COG1: variants seen among roughly 807,000 people sequenced by gnomAD.
COG1 encodes conserved oligomeric Golgi complex subunit 1.
A neutral mutation model predicts 102.2 loss-of-function variants in COG1; 61 were observed. That is an observed-to-expected ratio of 0.60 (90% CI 0.49 to 0.74). The LOEUF is 0.74. COG1 is among the 30% of genes least tolerant of loss of function. COG1 has a pLI of 0.00. For synonymous variants in COG1, 454 were observed against 493.6 expected (o/e 0.92, Z 1.06); for missense variants, 1,164 against 1,232.1 (o/e 0.94, Z 0.83).
In COG1 at chr17:73,201,525, G is replaced by A. The variant is rs1159513966; in HGVS notation, c.1698G>A (p.Val566=). The part of the protein sequence containing the change: ...AFDRYADAGT[V]QEMLRTQSVA... ...ACAGATACGCAGATGCGGGGACCGT[G>A]CAGGAGATGCTGCGGACTCAGTCCG... Residue 566 remains valine, a synonymous_variant, in exon 7 of 14, where the codon GTG becomes GTA. Transcript: ENST00000299886. 2 of 1,614,268 alleles carry A rather than the reference G, an allele frequency of 1.2e-6. No homozygotes were observed. Among genetic ancestry groups the A allele is most frequent in the Non-Finnish European group, 1.7e-6 (2 of 1,180,048 alleles).
intron 1 of COG1, among the ~76,000 whole-genome samples, chr17:73,195,909 G>A (rs1298717272): frequency 6.6e-6 from 1 of 152,180 alleles, no homozygotes; most frequent in Non-Finnish European, 1.5e-5. Context: ...TTTAGGCTTG[G>A]GTTGTTCTTA....
chr17:73,194,457 A>AC, intron 1 of COG1, among the ~76,000 whole-genome samples: 1 of 143,530 alleles, frequency 7.0e-6, no homozygotes, highest in South Asian at 2.3e-4. Flanking sequence ...AAAAAAAAAA[A>AC]AGAATTTTTA....
rs772741890 is a variant in COG1, at chr17:73,196,645, C to T, written c.454C>T (p.His152Tyr). 110 of 1,614,118 alleles carry T rather than the reference C, an allele frequency of 6.8e-5. No homozygotes were observed. The highest frequency in any genetic ancestry group is 9.2e-5 in the Non-Finnish European group (108 of 1,180,054). ...HATQLYLLCC[H>Y]LHSLLQLDSS... ...CACACAGCTCTACCTGCTCTGCTGC[C>T]ACCTCCACAGCCTGCTCCAGCTGGA... The change falls in exon 2 of 14, where the codon CAC becomes TAC. Residue 152 changes from histidine to tyrosine, a missense_variant. By Grantham distance (83) the His-to-Tyr change is moderately conservative. Transcript: ENST00000299886.
chr17:73,206,501 C>T (rs931649416), intron 11 of COG1, among the ~76,000 whole-genome samples: 1 of 152,066 alleles, frequency 6.6e-6, no homozygotes, highest in Non-Finnish European at 1.5e-5. Flanking sequence ...ATCCAGGCCT[C>T]AGAAAGAGGA....
At position 73,201,899 on chromosome 17, in the gene COG1, A is replaced by G. The variant is rs1568297181; in HGVS notation, c.2072A>G (p.Lys691Arg). Residue 691 changes from lysine to arginine, a missense_variant and splice_region_variant, in exon 7 of 14, where the codon AAA (lysine) becomes AGA (arginine). Physicochemically the swap from Lys to Arg is conservative, Grantham distance 26. Transcript: ENST00000299886. ...CAGGTCTGGAGCAGTGCAGTTGTGA[A>G]AGTGAGTGATGTAATTTCTTATCCC... ...GYQVWSSAVVKVLIHGFTQSL... is the reference protein window; with the variant it reads ...GYQVWSSAVVRVLIHGFTQSL... The G allele has an allele frequency of 1.9e-6, 3 of 1,613,906 alleles. No individual in the cohort carries two copies. The highest frequency in any genetic ancestry group is 2.5e-6 in the Non-Finnish European group (3 of 1,179,904).
intron 8 of COG1, 166 bp from the exon 9 acceptor site, chr17:73,203,466 C>T (rs1396439540): frequency 1.2e-6 from 1 of 862,148 alleles, no homozygotes; most frequent in Non-Finnish European, 1.9e-6. Flanking sequence ...GCAAATTGCA[C>T]TTAACCAGGG....
chr17:73,199,506 CAGA>C (rs955604472), intron 4 of COG1, among the ~76,000 whole-genome samples: 1 of 152,180 alleles, frequency 6.6e-6, no homozygotes, highest in African/African-American at 2.4e-5. Flanking sequence ...CCTTGTATTT[CAGA>C]AGTCCAGTTT....
Position 73,199,896 on chromosome 17 carries a change from G to C in COG1, c.945G>C (p.Met315Ile). The change falls in exon 5 of 14, where the codon ATG (methionine) becomes ATC (isoleucine). Residue 315 changes from methionine (M) to isoleucine (I), a missense_variant. Transcript: ENST00000299886. Reference sequence around the variant, plus strand: ...GCACTGGTGTCCTGCAGGAAGAGATGAAACTCTGCAGCTGGTTTAAACACC... The same window carrying C: ...GCACTGGTGTCCTGCAGGAAGAGATCAAACTCTGCAGCTGGTTTAAACACC... ...GKGTGVLQEEMKLCSWFKHLP... is the reference protein window; with the variant it reads ...GKGTGVLQEEIKLCSWFKHLP... 4 of 1,614,182 alleles carry C rather than the reference G, an allele frequency of 2.5e-6. No individual in the cohort carries two copies. The highest frequency in any genetic ancestry group is 3.4e-6 in the Non-Finnish European group (4 of 1,180,038).
rs763362547 is a variant in COG1, at chr17:73,201,608, A to G, written c.1781A>G (p.Glu594Gly). Residue 594 changes from glutamate (E) to glycine (G), a missense_variant, in exon 7 of 14, where the codon GAG (glutamate) becomes GGG (glycine). Glu to Gly is a moderately conservative substitution (Grantham distance 98). Transcript: ENST00000299886. Reference sequence around the variant, plus strand: ...CGGGCAGAGCTACAGAGCATTGAAGAGGGTGTGCAAGGGCAACAGGATGCC... The same window carrying G: ...CGGGCAGAGCTACAGAGCATTGAAGGGGGTGTGCAAGGGCAACAGGATGCC... ...CIRAELQSIE[E>G]GVQGQQDALN... 2.4e-4 allele frequency: 389 copies of G among 1,614,052 alleles called. No individual in the cohort carries two copies. The highest frequency in any genetic ancestry group is 4.5e-4 in the Admixed American group (27 of 59,998).
chr17:73,200,885 G>A (rs1391743796), intron 6 of COG1, 109 bp downstream of exon 6: 5 of 1,100,642 alleles, frequency 4.5e-6, no homozygotes, highest in East Asian at 4.8e-5. Context: ...TTCCTGCTTA[G>A]TAACAGATCC....
At chr17:73,207,549 C>T in intron 13 of COG1, 1 of 638,042 alleles carries the variant, frequency 1.6e-6, no homozygotes, top group Non-Finnish European at 2.6e-6. Context: ...GAGTTAACTG[C>T]CAACCCGGCA....
chr17:73,205,289 T>C lies in COG1; in HGVS notation c.2383-264T>C, dbSNP rs573449834. On this transcript the variant is annotated intron_variant, in intron 9 of 13. Transcript: ENST00000299886. ...TTCTCCTTCAGGCAAGGAGCCTTTTTTTCCCCTTTAGAACAACCATTTACA... is the reference window on the plus strand; with the variant it reads ...TTCTCCTTCAGGCAAGGAGCCTTTTCTTCCCCTTTAGAACAACCATTTACA... The C allele has an allele frequency of 1.9e-5, 9 of 462,124 alleles. No individual in the cohort carries two copies. In the Admixed American group the frequency reaches 2.1e-4, roughly 11 times the overall value. The allele number at this position is 462,124 out of a possible 1,614,324, so 28.6% of individuals were successfully genotyped here. A position where few individuals can be genotyped will look rare whatever the true frequency, so the allele number is the denominator to read the frequency against.
intron 13 of COG1, chr17:73,207,474 T>C: frequency 1.5e-6 from 1 of 664,270 alleles, no homozygotes; most frequent in Non-Finnish European, 2.7e-6. Flanking sequence ...AGTAGCCTCT[T>C]AATAGAAATG....
chr17:73,208,075 T>C, intron 13 of COG1: 1 of 1,413,994 alleles, frequency 7.1e-7, no homozygotes, highest in Non-Finnish European at 9.2e-7. Context: ...GAAGTGCCTG[T>C]GTCTACCCTT....
In COG1 at chr17:73,201,661, C is replaced by A. The variant is rs936131075; in HGVS notation, c.1834C>A (p.Leu612Ile). 2 of 1,614,130 alleles carry A rather than the reference C, an allele frequency of 1.2e-6. No homozygotes were observed. The highest frequency in any genetic ancestry group is 2.7e-5 in the African/African-American group (2 of 74,958). The change falls in exon 7 of 14, where the codon CTT becomes ATT. Residue 612 changes from leucine (L) to isoleucine (I), a missense_variant. Coordinates refer to ENST00000299886, the MANE Select transcript of COG1 (RefSeq NM_018714.3). ...ALNSAKLHSVLFMARLCQSLG... is the reference protein window; with the variant it reads ...ALNSAKLHSVIFMARLCQSLG... ...CAACAGTGCCAAGCTGCACTCAGTT[C>A]TTTTCATGGCCAGACTCTGCCAGTC...
At chr17:73,205,876 G>A (rs1238628758) in intron 10 of COG1, 196 bp downstream of exon 10, 3 of 752,168 alleles carry the variant, frequency 4.0e-6, no homozygotes, top group Non-Finnish European at 6.8e-6. Flanking sequence ...TGAAATAGGT[G>A]GACTCTTATT....
chr17:73,199,375 AT>A (rs1471682975), intron 4 of COG1, among the ~76,000 whole-genome samples: 1 of 151,970 alleles, frequency 6.6e-6, no homozygotes, highest in African/African-American at 2.4e-5. Context: ...TACTCTTTTG[AT>A]CCCCGTTTTT....
At chr17:73,207,430 T>C in intron 13 of COG1, 174 bp downstream of exon 13, 1 of 743,338 alleles carries the variant, frequency 1.3e-6, no homozygotes, top group South Asian at 1.5e-5. Flanking sequence ...CTTGAGCTAC[T>C]AGAAGGTGTA....
rs779677895 is a variant in COG1 at position 73,201,307 on chromosome 17, A to G, written c.1480A>G (p.Asn494Asp). The change falls in exon 7 of 14, where the codon AAC becomes GAC. Residue 494 changes from asparagine to aspartate, a missense_variant. Asn to Asp is a conservative substitution (Grantham distance 23, BLOSUM62 1). Coordinates refer to ENST00000299886, the MANE Select transcript of COG1 (RefSeq NM_018714.3). The stretch of plus-strand genomic sequence containing the variant: ...CGATGCGGCCTGGGTCAGCGTGGCA[A>G]ACCGGGGTCAGTTTGCCAGTAGCGG... ...PSDAAWVSVA[N>D]RGQFASSGLS... is the part of the protein sequence containing the mutation. The G allele has an allele frequency of 1.9e-5, 31 of 1,614,100 alleles. No individual in the cohort carries two copies. In the East Asian group the frequency reaches 6.9e-4, roughly 36 times the overall value.
Sources: gnomAD v4.1 joint callset for allele counts (sites outside exome capture counted in the v4.1 genomes callset) on GRCh38, gnomAD v4.1.1 for gene constraint, MANE v1.5 for transcripts, NCBI Gene and HGNC (gene_info 2026-07-23, HGNC 2026-07-21) for gene names.